PRKD1: variants seen among roughly 807,000 people sequenced by gnomAD.
The protein encoded by PRKD1 is protein kinase D1, also known as serine/threonine-protein kinase D1.
Under a neutral mutation model 95.9 loss-of-function variants are expected in PRKD1, and 63 were observed. The ratio of observed to expected loss-of-function variants is 0.66; its 90% CI spans 0.54 to 0.81. The LOEUF is 0.81. PRKD1 is among the 30% of genes least tolerant of loss of function. The pLI, the probability that PRKD1 is intolerant of heterozygous loss-of-function variation, is 0.00. For missense variants in PRKD1, 1,048 were observed against 1,165.3 expected (o/e 0.90, Z 1.47); for synonymous variants, 425 against 423.1 (o/e 1.00, Z -0.05).
At chr14:29,681,271 T>A (rs1883524865) in intron 2 of PRKD1, among the ~76,000 whole-genome samples, 3 of 152,204 alleles carry the variant, frequency 2.0e-5, no homozygotes, top group Admixed American at 1.3e-4. Flanking sequence ...GGGACAAATT[T>A]CCTGGTGCAA....
chr14:29,690,644 G>A (rs1392188467), intron 2 of PRKD1, among the ~76,000 whole-genome samples: 2 of 152,064 alleles, frequency 1.3e-5, no homozygotes, highest in Admixed American at 1.3e-4. Context: ...TTGAACCAAT[G>A]CTCGCATGGA....
chr14:29,908,964 C>T (rs1894596618), intron 1 of PRKD1, among the ~76,000 whole-genome samples: 1 of 152,196 alleles, frequency 6.6e-6, no homozygotes, highest in Admixed American at 6.5e-5. Context: ...AAGGTCAGAG[C>T]TGGCTCCCTC....
chr14:29,724,683 C>A (rs10498309), intron 2 of PRKD1, among the ~76,000 whole-genome samples: 1 of 151,984 alleles, frequency 6.6e-6, no homozygotes, highest in Non-Finnish European at 1.5e-5. Flanking sequence ...AGGAAATAAA[C>A]TTGAGACTCT....
At chr14:29,766,035 G>A (rs550376081) in intron 1 of PRKD1, among the ~76,000 whole-genome samples, 1 of 152,110 alleles carries the variant, frequency 6.6e-6, no homozygotes, top group Admixed American at 6.6e-5. Context: ...ATATTTCACA[G>A]TGAAAACAAT....
At chr14:29,599,929 T>G in intron 13 of PRKD1, 112 bp from the exon 14 acceptor site, 1 of 909,184 alleles carries the variant, frequency 1.1e-6, no homozygotes, top group Non-Finnish European at 1.6e-6. Flanking sequence ...AACCCACACT[T>G]AAGATTTTTA....
intron 1 of PRKD1, among the ~76,000 whole-genome samples, chr14:29,919,206 A>T (rs896811166): frequency 6.6e-6 from 1 of 152,210 alleles, no homozygotes; most frequent in Non-Finnish European, 1.5e-5. Flanking sequence ...TCTAAGTTTC[A>T]TGTTTGCCAA....
At chr14:29,893,574 T>C (rs1448307342) in intron 1 of PRKD1, among the ~76,000 whole-genome samples, 2 of 152,174 alleles carry the variant, frequency 1.3e-5, no homozygotes, top group Non-Finnish European at 2.9e-5. Context: ...AAAGTTATAA[T>C]AAGCATATGT....
At chr14:29,581,377 T>A (rs1379025796) in intron 16 of PRKD1, among the ~76,000 whole-genome samples, 1 of 152,172 alleles carries the variant, frequency 6.6e-6, no homozygotes, top group African/African-American at 2.4e-5. Flanking sequence ...CATTCTTTTT[T>A]AAAAAATTAC....
intron 1 of PRKD1, among the ~76,000 whole-genome samples, chr14:29,865,925 A>G (rs1260784345): frequency 6.6e-6 from 1 of 152,184 alleles, no homozygotes; most frequent in Non-Finnish European, 1.5e-5. Context: ...CTGGGATACA[A>G]TAATAATTGA....
intron 1 of PRKD1, among the ~76,000 whole-genome samples, chr14:29,752,579 A>T (rs928134361): frequency 1.3e-5 from 2 of 150,266 alleles, no homozygotes; most frequent in South Asian, 2.1e-4. Flanking sequence ...ATATCTTATT[A>T]TATATATATA....
At chr14:29,837,812 A>T (rs1891668921) in intron 1 of PRKD1, among the ~76,000 whole-genome samples, 1 of 152,246 alleles carries the variant, frequency 6.6e-6, no homozygotes, top group Admixed American at 6.5e-5. Flanking sequence ...ATGCACAAAC[A>T]TATATATAAA....
chr14:29,599,152 A>C, intron 14 of PRKD1, 27 bp from the exon 15 acceptor site: 2 of 1,573,250 alleles, frequency 1.3e-6, no homozygotes, highest in Non-Finnish European at 1.7e-6. Flanking sequence ...CCAAAATTTC[A>C]TTCCAGTTTA....
chr14:29,729,019 T>C (rs1169250776), intron 1 of PRKD1, among the ~76,000 whole-genome samples: 1 of 152,168 alleles, frequency 6.6e-6, no homozygotes, highest in East Asian at 1.9e-4. Flanking sequence ...CTACAAAAAG[T>C]TGTGAATTTA....
At chr14:29,800,572 A>G (rs542343276) in intron 1 of PRKD1, among the ~76,000 whole-genome samples, 1 of 152,234 alleles carries the variant, frequency 6.6e-6, no homozygotes, top group Non-Finnish European at 1.5e-5. Context: ...ATATTTGGTA[A>G]GTCCACATGC....
intron 4 of PRKD1, among the ~76,000 whole-genome samples, chr14:29,654,310 T>A (rs1881706402): frequency 6.6e-6 from 1 of 152,112 alleles, no homozygotes; most frequent in Non-Finnish European, 1.5e-5. Context: ...TAGCTGGGAT[T>A]ACAGGTGCGT....
At chr14:29,675,655 T>C (rs1017844749) in intron 2 of PRKD1, among the ~76,000 whole-genome samples, 1 of 152,116 alleles carries the variant, frequency 6.6e-6, no homozygotes, top group African/African-American at 2.4e-5. Context: ...TTATAAATCA[T>C]GCTGCTGTAA....
At chr14:29,834,744 T>A (rs1891546356) in intron 1 of PRKD1, among the ~76,000 whole-genome samples, 3 of 152,158 alleles carry the variant, frequency 2.0e-5, no homozygotes, top group African/African-American at 7.2e-5. Context: ...ACGGTAAGTA[T>A]TTTAAAACAA....
chr14:29,674,700 A>G (rs998114300), intron 2 of PRKD1, among the ~76,000 whole-genome samples: 24 of 152,204 alleles, frequency 1.6e-4, no homozygotes, highest in African/African-American at 4.3e-4. Flanking sequence ...AAGGATAATG[A>G]CCTAATTTAC....
At chr14:29,759,016 G>A (rs1887843439) in intron 1 of PRKD1, among the ~76,000 whole-genome samples, 1 of 152,196 alleles carries the variant, frequency 6.6e-6, no homozygotes, top group South Asian at 2.1e-4. Context: ...CAAAGCAGTA[G>A]TCTCTCAACA....
Sources: gnomAD v4.1 joint callset for allele counts (sites outside exome capture counted in the v4.1 genomes callset) on GRCh38, gnomAD v4.1.1 for gene constraint, MANE v1.5 for transcripts, NCBI Gene and HGNC (gene_info 2026-07-23, HGNC 2026-07-21) for gene names.